The following LAMA3 variants were observed in gnomAD, a reference collection of about 807,000 sequenced individuals.
The protein encoded by LAMA3 is laminin subunit alpha 3.
LAMA3 carries 281 observed loss-of-function variants against 402.0 expected under a neutral mutation model. The observed-to-expected ratio is 0.70, with a 90% CI of 0.63 to 0.77. The LOEUF is 0.77. LAMA3 is among the 30% of genes least tolerant of loss of function. The pLI, the probability that LAMA3 is intolerant of heterozygous loss-of-function variation, is 0.00. For missense variants in LAMA3, 3,840 were observed against 4,215.5 expected, an observed-to-expected ratio of 0.91 and a Z score of 2.47; for synonymous variants, 1,431 against 1,558.4, an observed-to-expected ratio of 0.92 and a Z score of 1.93.
Position 23,849,618 on chromosome 18 carries a change from A to G in LAMA3, c.4136+1950A>G, listed in dbSNP as rs560101152. 1.3e-5 allele frequency among the ~76,000 whole-genome samples: 2 copies of G among 152,296 alleles called. 1 individual carries two copies. Among genetic ancestry groups the G allele is most frequent in the South Asian group, 4.1e-4 (2 of 4,826 alleles). ...TAAGGCACCAGAAGGTGATGGATGG[A>G]TTTACTGCAGTATTTTATGTAAAAA... is the stretch of plus-strand genomic sequence containing the variant. On this transcript the variant is annotated intron_variant, in intron 32 of 74. Coordinates refer to ENST00000313654, the MANE Select transcript of LAMA3 (RefSeq NM_198129.4).
intron 1 of LAMA3, among the ~76,000 whole-genome samples, chr18:23,706,081 C>G (rs1568096406): frequency 1.3e-5 from 2 of 152,098 alleles, no homozygotes; most frequent in East Asian, 1.9e-4. Flanking sequence ...GTATATCATG[C>G]TTTTTTCACT....
intron 65 of LAMA3, 37 bp downstream of exon 65, chr18:23,931,238 A>T (rs1280421883): frequency 6.3e-7 from 1 of 1,591,012 alleles, no homozygotes; most frequent in South Asian, 1.1e-5. Context: ...GCTGTGAGTG[A>T]GTTTTACTCT....
chr18:23,835,463 G>A (rs1343137457), intron 24 of LAMA3, among the ~76,000 whole-genome samples: 5 of 152,206 alleles, frequency 3.3e-5, no homozygotes, highest in African/African-American at 1.2e-4. Context: ...AAGTCTGAAT[G>A]GAGTTATTGA....
At chr18:23,869,794 C>T (rs568454633) in intron 37 of LAMA3, among the ~76,000 whole-genome samples, 35 of 152,242 alleles carry the variant, frequency 2.3e-4, no homozygotes, top group South Asian at 6.2e-4. Context: ...GGAGGCCAGG[C>T]GCAATGGCTC....
chr18:23,761,579 A>G (rs893468012), intron 7 of LAMA3, among the ~76,000 whole-genome samples: 4 of 152,200 alleles, frequency 2.6e-5, no homozygotes, highest in African/African-American at 7.2e-5. Flanking sequence ...AGATTAAATG[A>G]GATAATTCAT....
At position 23,832,255 on chromosome 18, in the gene LAMA3, G is replaced by A. The variant is rs71360534; in HGVS notation, c.2824-1573G>A. Among the ~76,000 whole-genome samples the A allele has an allele frequency of 8.8e-3, 1,346 of 152,298 alleles. 7 individuals are homozygous for A. The highest frequency in any genetic ancestry group is 0.015 in the Non-Finnish European group (1,005 of 68,020). On this transcript the variant is annotated intron_variant, in intron 23 of 74. Coordinates refer to ENST00000313654, the MANE Select transcript of LAMA3 (RefSeq NM_198129.4). ...CCCTTGTTTGGAGATGCCCAGGGGA[G>A]AAATGCTGGCAGTAACCTCGCCACA...
In LAMA3 at chr18:23,827,416, G is replaced by A. The variant is rs764327013; in HGVS notation, c.2772G>A (p.Val924=). 1.9e-6 allele frequency: 3 copies of A among 1,614,078 alleles called. No homozygotes were observed. The South Asian group carries it at 3.3e-5, about 18-fold the overall frequency. ...ATGGGGAGCCAAGACCCGTGGCAGT[G>A]AGGCAGCCCACACCTGCACACCCTG... ...LLDGEPRPVA[V]RQPTPAHPVM... The change falls in exon 23 of 75, where the codon GTG becomes GTA. Residue 924 remains valine (V), a synonymous_variant. Coordinates refer to ENST00000313654, the MANE Select transcript of LAMA3 (RefSeq NM_198129.4).
At chr18:23,929,175 TGCAGCA>T (rs1026596067) in intron 64 of LAMA3, among the ~76,000 whole-genome samples, 2 of 152,238 alleles carry the variant, frequency 1.3e-5, no homozygotes, top group South Asian at 2.1e-4. Context: ...ATTGCCTTTT[TGCAGCA>T]GCAGCAGCAG....
chr18:23,723,458 T>C (rs1350626989), intron 2 of LAMA3, among the ~76,000 whole-genome samples: 2 of 151,942 alleles, frequency 1.3e-5, no homozygotes, highest in Non-Finnish European at 2.9e-5. Context: ...CAAAACTATA[T>C]GTAAACTAGC....
intron 39 of LAMA3, among the ~76,000 whole-genome samples, chr18:23,876,778 G>A (rs188473528): frequency 5.9e-5 from 9 of 152,182 alleles, no homozygotes; most frequent in African/African-American, 2.2e-4. Flanking sequence ...CAGGAGTGGG[G>A]CTTGTTGCTG....
rs957151325 is a variant in LAMA3 at position 23,905,574 on chromosome 18, G to C, written c.6668G>C (p.Ser2223Thr). The C allele has an allele frequency of 1.5e-5, 24 of 1,612,032 alleles. No homozygotes were observed. The highest frequency in any genetic ancestry group is 1.9e-5 in the Non-Finnish European group (22 of 1,178,632). ...AAAGCTAAAACCCTGAGTTCCAACA[G>C]TGATAAACTGTTAAATGAAGCCAAG... ...PRKAKTLSSN[S>T]DKLLNEAKMT... Residue 2223 changes from serine to threonine, a missense_variant, in exon 52 of 75, where the codon AGT becomes ACT. By Grantham distance (58) the Ser-to-Thr change is moderately conservative. This residue lies in a region of LAMA3 where 891 missense variants were observed against 857.5 expected (regional missense o/e 1.04). Coordinates refer to ENST00000313654, the MANE Select transcript of LAMA3 (RefSeq NM_198129.4).
chr18:23,886,825 G>A (rs2065088177), intron 41 of LAMA3, among the ~76,000 whole-genome samples: 1 of 152,158 alleles, frequency 6.6e-6, no homozygotes, highest in Non-Finnish European at 1.5e-5. Context: ...AGGTCCAAGG[G>A]GTTACTAGAA....
At chr18:23,790,874 T>C (rs1233686049) in intron 12 of LAMA3, among the ~76,000 whole-genome samples, 1 of 150,966 alleles carries the variant, frequency 6.6e-6, no homozygotes, top group Non-Finnish European at 1.5e-5. Context: ...TAGTTTGAGA[T>C]GCATATCCTA....
intron 57 of LAMA3, 26 bp downstream of exon 57, chr18:23,914,587 T>C: frequency 1.9e-6 from 3 of 1,613,498 alleles, no homozygotes; most frequent in Non-Finnish European, 1.7e-6. Context: ...ACTGTACCTG[T>C]GCTCACCAAA....
In LAMA3 at chr18:23,927,325, C is replaced by T. The variant is rs149835166; in HGVS notation, c.8178-798C>T. Among the ~76,000 whole-genome samples the T allele has an allele frequency of 1.7e-3, 257 of 152,210 alleles. 1 individual carries two copies. Among genetic ancestry groups the T allele is most frequent in the African/African-American group, 5.9e-3 (246 of 41,528 alleles). ...CTGGGACTACAGGTGCCTGCCACCACGTCCAGCTAATTTTTGTATTTTTAG... is the reference window on the plus strand; with the variant it reads ...CTGGGACTACAGGTGCCTGCCACCATGTCCAGCTAATTTTTGTATTTTTAG... On this transcript the variant is annotated intron_variant, in intron 62 of 74. Transcript: ENST00000313654.
intron 62 of LAMA3, among the ~76,000 whole-genome samples, chr18:23,922,111 T>C (rs989408759): frequency 6.6e-6 from 1 of 152,210 alleles, no homozygotes; most frequent in African/African-American, 2.4e-5. Context: ...AATTAATTAA[T>C]GTGAAAGGCA....
chr18:23,894,205 T>C (rs2080795070), intron 42 of LAMA3, 93 bp from the exon 43 acceptor site: 1 of 1,011,288 alleles, frequency 9.9e-7, no homozygotes, highest in Admixed American at 1.8e-5. Flanking sequence ...CTAATAAAAC[T>C]TTGCAAAACT....
chr18:23,807,482 G>A (rs1437380370), intron 12 of LAMA3, among the ~76,000 whole-genome samples: 1 of 147,944 alleles, frequency 6.8e-6, no homozygotes, highest in African/African-American at 2.5e-5. Context: ...GTGTGTATGT[G>A]TGTGTGTCTG....
intron 12 of LAMA3, among the ~76,000 whole-genome samples, chr18:23,807,478 A>G (rs75261733): frequency 2.3e-4 from 30 of 132,834 alleles, no homozygotes; most frequent in South Asian, 7.4e-4. Context: ...GTGTGTGTGT[A>G]TGTGTGTGTG....
Sources: allele counts gnomAD v4.1 joint callset (sites outside exome capture counted in the v4.1 genomes callset), GRCh38; gene constraint gnomAD v4.1.1; regional missense constraint gnomAD v4.1.1; transcripts MANE v1.5; gene names NCBI Gene and HGNC (gene_info 2026-07-23, HGNC 2026-07-21).